The following NCK1 variants were observed in gnomAD, a reference collection of about 807,000 sequenced individuals.
The protein encoded by NCK1 is SH2/SH3 adapter protein NCK1.
A neutral mutation model predicts 36.6 loss-of-function variants in NCK1; 19 were observed. That is an observed-to-expected ratio of 0.52 (90% CI 0.36 to 0.76). NCK1 has a LOEUF of 0.76. Among genes scored for constraint, NCK1 ranks in the 30% least tolerant of loss-of-function variants. NCK1 has a pLI of 0.00. For missense variants in NCK1, 358 were observed against 445.6 expected (o/e 0.80, Z 1.77); for synonymous variants, 165 against 156.0 (o/e 1.06, Z -0.43).
intron 1 of NCK1, among the ~76,000 whole-genome samples, chr3:136,869,189 A>C (rs1938535439): frequency 6.6e-6 from 1 of 151,778 alleles, no homozygotes; most frequent in Non-Finnish European, 1.5e-5. Context: ...ACAGTGAGCC[A>C]AGATCATGCC....
At position 136,867,116 on chromosome 3, in the gene NCK1, C is replaced by CT. The variant is rs1291624272; in HGVS notation, c.-19+4766dup. Reference sequence around the variant, plus strand: ...TCTTTCTTTCTTTCTTTCTTTCTTTCTTTGTTTCTTTCTTTCCTTCCTTCC... The same window carrying CT: ...TCTTTCTTTCTTTCTTTCTTTCTTTCTTTTGTTTCTTTCTTTCCTTCCTTCC... On this transcript the variant is annotated intron_variant, in intron 1 of 3. Coordinates refer to ENST00000481752, the MANE Select transcript of NCK1 (RefSeq NM_001291999.2). 4.9e-4 allele frequency among the ~76,000 whole-genome samples: 14 copies of CT among 28,410 alleles called. 4 individuals are homozygous for CT. The highest frequency in any genetic ancestry group is 1.5e-3 in the African/African-American group (12 of 7,914). 18.6% of individuals were successfully genotyped at this position (28,410 alleles called of 152,430 possible). A position where few individuals can be genotyped will look rare whatever the true frequency, so the allele number is the denominator to read the frequency against.
chr3:136,923,307 G>A (rs1042924558), intron 1 of NCK1, among the ~76,000 whole-genome samples: 3 of 81,836 alleles, frequency 3.7e-5, no homozygotes. Context: ...TGTAATCCCA[G>A]CACTTTGGGA....
At chr3:136,919,176 T>C (rs1048864634) in intron 1 of NCK1, among the ~76,000 whole-genome samples, 2 of 152,144 alleles carry the variant, frequency 1.3e-5, no homozygotes, top group East Asian at 3.8e-4. Context: ...TGTCACAAAT[T>C]AATGGTTGGG....
intron 1 of NCK1, among the ~76,000 whole-genome samples, chr3:136,864,202 T>C (rs942721661): frequency 4.0e-5 from 6 of 150,932 alleles, no homozygotes; most frequent in African/African-American, 1.5e-4. Context: ...GAAACCTACG[T>C]GTAATGTTGG....
At chr3:136,884,517 C>T (rs531051314) in intron 1 of NCK1, among the ~76,000 whole-genome samples, 9 of 152,078 alleles carry the variant, frequency 5.9e-5, no homozygotes, top group African/African-American at 7.2e-5. Context: ...GCTTGCTCAC[C>T]GCAACCTCCG....
At position 136,873,665 on chromosome 3, in the gene NCK1, A is replaced by G. The variant is rs554301820; in HGVS notation, c.-19+11312A>G. ...TTCATCTTGAATTGTAGCTCCCACA[A>G]TTCCTGTGTGTGGTGGGAGGAACCT... On this transcript the variant is annotated intron_variant, in intron 1 of 3. Coordinates refer to ENST00000481752, the MANE Select transcript of NCK1 (RefSeq NM_001291999.2). 1.6e-4 allele frequency among the ~76,000 whole-genome samples: 24 copies of G among 152,270 alleles called. No individual in the cohort carries two copies. In the South Asian group the frequency reaches 5.0e-3, roughly 32 times the overall value.
chr3:136,912,030 T>C (rs1343548675), intron 1 of NCK1, among the ~76,000 whole-genome samples: 1 of 152,186 alleles, frequency 6.6e-6, no homozygotes, highest in Non-Finnish European at 1.5e-5. Flanking sequence ...TCTCTGTTTC[T>C]TTTTGGATAG....
At chr3:136,929,246 TA>T (rs1343257964) in intron 2 of NCK1, among the ~76,000 whole-genome samples, 1 of 152,204 alleles carries the variant, frequency 6.6e-6, no homozygotes, top group Non-Finnish European at 1.5e-5. Flanking sequence ...TTTTTATTCT[TA>T]TTCAACATTA....
At position 136,948,478 on chromosome 3, in the gene NCK1, G is replaced by T; in HGVS notation, c.*25G>T. The T allele has an allele frequency of 1.3e-6, 2 of 1,583,480 alleles. No individual in the cohort carries two copies. The highest frequency in any genetic ancestry group is 1.7e-6 in the Non-Finnish European group (2 of 1,160,278). On this transcript the variant is annotated 3_prime_UTR_variant, in exon 4 of 4. Coordinates refer to ENST00000481752, the MANE Select transcript of NCK1 (RefSeq NM_001291999.2). ...ATACTGCTGACCAGAAGTGACTGCT[G>T]TGTAGCTGTAATTTGTCATGTAATT...
chr3:136,864,668 C>G (rs114008348), intron 1 of NCK1, among the ~76,000 whole-genome samples: 1 of 151,468 alleles, frequency 6.6e-6, no homozygotes, highest in African/African-American at 2.4e-5. Context: ...TACCCTGTCT[C>G]TAAATTAAGA....
At chr3:136,862,581 G>C (rs989900625) in intron 1 of NCK1, among the ~76,000 whole-genome samples, 54 of 152,254 alleles carry the variant, frequency 3.5e-4, no homozygotes, top group Non-Finnish European at 7.6e-4. Flanking sequence ...GCCCCAGGGA[G>C]CGTGACCCCG....
At chr3:136,887,943 C>CTT (rs545194154) in intron 1 of NCK1, among the ~76,000 whole-genome samples, 3 of 134,088 alleles carry the variant, frequency 2.2e-5, no homozygotes. Context: ...TTCTTTCTTT[C>CTT]TTTTTTTTTT....
intron 1 of NCK1, among the ~76,000 whole-genome samples, chr3:136,892,533 A>G (rs1390477516): frequency 2.0e-5 from 3 of 152,218 alleles, no homozygotes; most frequent in Non-Finnish European, 4.4e-5. Context: ...GCAAAGGAAT[A>G]TAAGCAGCTT....
In NCK1 at chr3:136,883,866, A is replaced by T. The variant is rs1462178875; in HGVS notation, c.-19+21513A>T. 2.0e-5 allele frequency among the ~76,000 whole-genome samples: 3 copies of T among 152,224 alleles called. No individual in the cohort carries two copies. The East Asian group carries it at 5.8e-4, about 29-fold the overall frequency. ...AAAAACCAACACAAATTGATGTGTG[A>T]CTTAAGGGGAGCCTGGGTGAATTGG... is the stretch of plus-strand genomic sequence containing the variant. On this transcript the variant is annotated intron_variant, in intron 1 of 3. Coordinates refer to ENST00000481752, the MANE Select transcript of NCK1 (RefSeq NM_001291999.2).
chr3:136,863,999 G>A (rs1353396854), intron 1 of NCK1, among the ~76,000 whole-genome samples: 1 of 151,852 alleles, frequency 6.6e-6, no homozygotes, highest in Non-Finnish European at 1.5e-5. Flanking sequence ...TACTCGGGAG[G>A]CTGAGGCAGG....
intron 1 of NCK1, among the ~76,000 whole-genome samples, chr3:136,902,251 G>T (rs1939564798): frequency 6.7e-6 from 1 of 148,424 alleles, no homozygotes; most frequent in Admixed American, 6.8e-5. Flanking sequence ...AGGCTGGAGT[G>T]CAGTGGCACT....
At chr3:136,937,293 G>A (rs972277115) in intron 2 of NCK1, among the ~76,000 whole-genome samples, 2 of 152,040 alleles carry the variant, frequency 1.3e-5, no homozygotes, top group Admixed American at 6.5e-5. Context: ...GTTTATTTTA[G>A]GACTCTCGAT....
chr3:136,947,699 T>A (rs527506079), intron 3 of NCK1, among the ~76,000 whole-genome samples: 5 of 152,310 alleles, frequency 3.3e-5, no homozygotes, highest in Admixed American at 6.5e-5. Flanking sequence ...CCATCTACCT[T>A]TCCACTCTGA....
At chr3:136,940,597 T>C (rs1414953291) in intron 2 of NCK1, among the ~76,000 whole-genome samples, 1 of 152,160 alleles carries the variant, frequency 6.6e-6, no homozygotes, top group Non-Finnish European at 1.5e-5. Context: ...CAGGCTGGAG[T>C]GCAGTGGCGT....
Sources: gnomAD v4.1 joint callset for allele counts (sites outside exome capture counted in the v4.1 genomes callset) on GRCh38, gnomAD v4.1.1 for gene constraint, MANE v1.5 for transcripts, NCBI Gene and HGNC (gene_info 2026-07-23, HGNC 2026-07-21) for gene names.